GTF2E2: variants seen among roughly 807,000 people sequenced by gnomAD.
GTF2E2 encodes the protein transcription initiation factor IIE subunit beta.
A neutral mutation model predicts 40.5 loss-of-function variants in GTF2E2; 21 were observed. That is an observed-to-expected ratio of 0.52 (90% confidence interval 0.37 to 0.75). The LOEUF is 0.75. Ranked by LOEUF, GTF2E2 falls within the 30% of genes least tolerant of loss-of-function variation. GTF2E2 has a pLI of 0.00. For synonymous variants in GTF2E2, 117 were observed against 121.6 expected (o/e 0.96, Z 0.25); for missense variants, 298 against 338.4 (o/e 0.88, Z 0.94).
intron 3 of GTF2E2, among the ~76,000 whole-genome samples, chr8:30,623,736 T>C (rs954484087): frequency 9.2e-5 from 14 of 152,074 alleles, no homozygotes; most frequent in Non-Finnish European, 1.5e-4. Context: ...TATCTCATTG[T>C]GGTTTTGATT....
chr8:30,601,172 C>CTG (rs1462522250), intron 6 of GTF2E2, among the ~76,000 whole-genome samples: 1 of 152,128 alleles, frequency 6.6e-6, no homozygotes, highest in Non-Finnish European at 1.5e-5. Flanking sequence ...TCTACAGCAC[C>CTG]GTGTGAACAC....
At chr8:30,580,698 A>G (rs997754155) in intron 6 of GTF2E2, among the ~76,000 whole-genome samples, 1 of 152,068 alleles carries the variant, frequency 6.6e-6, no homozygotes, top group African/African-American at 2.4e-5. Context: ...TAATTCCTCT[A>G]TTTAGGGCTA....
intron 2 of GTF2E2, among the ~76,000 whole-genome samples, chr8:30,648,672 C>T (rs1285772815): frequency 6.6e-6 from 1 of 152,196 alleles, no homozygotes; most frequent in African/African-American, 2.4e-5. Context: ...CAAGCTCTTC[C>T]AGAGTTAGTT....
intron 2 of GTF2E2, among the ~76,000 whole-genome samples, chr8:30,636,094 C>T (rs1299117539): frequency 6.6e-6 from 1 of 152,098 alleles, no homozygotes; most frequent in Non-Finnish European, 1.5e-5. Flanking sequence ...TACAAAAGAT[C>T]ATTTGTTTCA....
intron 6 of GTF2E2, among the ~76,000 whole-genome samples, chr8:30,600,093 G>T (rs894439201): frequency 7.2e-5 from 11 of 152,200 alleles, no homozygotes; most frequent in Non-Finnish European, 1.5e-4. Context: ...AGGTGAAACT[G>T]TTTAAGCTTC....
At chr8:30,599,592 A>AAG (rs1554554011) in intron 6 of GTF2E2, among the ~76,000 whole-genome samples, 1 of 63,538 alleles carries the variant, frequency 1.6e-5, no homozygotes, top group Non-Finnish European at 3.3e-5. Context: ...AAAAAAAAAA[A>AAG]AAAACTTCCC....
At chr8:30,614,101 G>A (rs1322548623) in intron 4 of GTF2E2, among the ~76,000 whole-genome samples, 1 of 152,092 alleles carries the variant, frequency 6.6e-6, no homozygotes, top group Non-Finnish European at 1.5e-5. Flanking sequence ...ACATTAAGTC[G>A]AATTGGTACA....
intron 2 of GTF2E2, chr8:30,643,791 C>A (rs1220670897): frequency 4.6e-5 from 7 of 151,100 alleles, no homozygotes; most frequent in Non-Finnish European, 1.0e-4. Context: ...TGAGGCCCTG[C>A]ATCTGCAAGG....
At chr8:30,641,567 C>T (rs1801832103) in intron 2 of GTF2E2, among the ~76,000 whole-genome samples, 1 of 152,096 alleles carries the variant, frequency 6.6e-6, no homozygotes, top group African/African-American at 2.4e-5. Flanking sequence ...CCCACATTGC[C>T]CAGGCTGGTC....
In GTF2E2 at chr8:30,606,624, G is replaced by GA. The variant is rs1829321666; in HGVS notation, c.643+432dup. ...CATCCAACTCCACAATTTCCAGAAA[G>GA]AAAAACATCATCTCCTTCCTTATTC... On this transcript the variant is annotated intron_variant, in intron 6 of 7. Coordinates refer to ENST00000355904, the MANE Select transcript of GTF2E2 (RefSeq NM_002095.6). Among the ~76,000 whole-genome samples the GA allele has an allele frequency of 2.0e-5, 3 of 152,074 alleles. No individual in the cohort carries two copies. The South Asian group carries it at 6.2e-4, about 32-fold the overall frequency.
At chr8:30,592,821 C>T (rs1484494486) in intron 6 of GTF2E2, among the ~76,000 whole-genome samples, 2 of 152,200 alleles carry the variant, frequency 1.3e-5, no homozygotes, top group African/African-American at 4.8e-5. Context: ...GCCAATGATA[C>T]TTTCAATTCT....
chr8:30,630,879 A>C (rs931000349), intron 3 of GTF2E2, among the ~76,000 whole-genome samples: 11 of 152,136 alleles, frequency 7.2e-5, no homozygotes, highest in Non-Finnish European at 1.0e-4. Context: ...GCAATTGTTT[A>C]AAGTTTCCTC....
At chr8:30,642,362 A>C (rs1801876277) in intron 2 of GTF2E2, among the ~76,000 whole-genome samples, 1 of 152,118 alleles carries the variant, frequency 6.6e-6, no homozygotes, top group Non-Finnish European at 1.5e-5. Flanking sequence ...GCAGGAATAA[A>C]AGAATGGTTA....
chr8:30,588,538 G>C (rs1009754719), intron 6 of GTF2E2, among the ~76,000 whole-genome samples: 1 of 152,200 alleles, frequency 6.6e-6, no homozygotes, highest in Admixed American at 6.5e-5. Context: ...CAGAAGCAGA[G>C]AGTAGAATGA....
intron 3 of GTF2E2, among the ~76,000 whole-genome samples, chr8:30,621,851 A>G (rs1355958732): frequency 1.3e-5 from 2 of 152,040 alleles, no homozygotes; most frequent in Admixed American, 6.5e-5. Flanking sequence ...AAGAACTTCC[A>G]GTACAATACA....
intron 2 of GTF2E2, among the ~76,000 whole-genome samples, chr8:30,640,676 G>A (rs7822088): frequency 0.34 from 51,160 of 151,992 alleles, 8,670 homozygotes; most frequent in African/African-American, 0.4. Flanking sequence ...AAACTAAGTC[G>A]CAGGATAGGA....
intron 2 of GTF2E2, among the ~76,000 whole-genome samples, chr8:30,647,347 G>A (rs1167168513): frequency 6.6e-6 from 1 of 152,182 alleles, no homozygotes; most frequent in African/African-American, 2.4e-5. Context: ...TTGCAAGGCC[G>A]AGGCAGGTGG....
chr8:30,657,718 A>C (rs181800686), intron 1 of GTF2E2: 2 of 152,320 alleles, frequency 1.3e-5, no homozygotes, highest in Admixed American at 1.3e-4. Flanking sequence ...GGAGGCTTGG[A>C]AGAGGCACAG....
At chr8:30,622,012 T>C (rs1801118673) in intron 3 of GTF2E2, among the ~76,000 whole-genome samples, 1 of 151,840 alleles carries the variant, frequency 6.6e-6, no homozygotes, top group African/African-American at 2.4e-5. Context: ...CTAGGGTACA[T>C]GTGCACAACC....
Sources: allele counts gnomAD v4.1 joint callset (sites outside exome capture counted in the v4.1 genomes callset), GRCh38; gene constraint gnomAD v4.1.1; transcripts MANE v1.5; gene names NCBI Gene and HGNC (gene_info 2026-07-23, HGNC 2026-07-21).